Variants in PSG5 observed in about 807,000 individuals in gnomAD.
The protein encoded by PSG5 is pregnancy specific beta-1-glycoprotein 5, also known as pregnancy-specific beta-1-glycoprotein 5.
Under a neutral mutation model 37.7 loss-of-function variants are expected in PSG5, and 53 were observed. The observed-to-expected ratio is 1.41, with a 90% CI of 1.13 to 1.77. The LOEUF is 1.77. Among genes scored for constraint, PSG5 ranks in the 40% most tolerant of loss-of-function variants. The probability of loss-of-function intolerance (pLI) is 0.00; values close to 1 mark genes in which losing one functional copy is unlikely to be tolerated. For missense variants in PSG5, 547 were observed against 405.2 expected (o/e 1.35, Z -3.00); for synonymous variants, 221 against 155.4 (o/e 1.42, Z -3.14).
chr19:43,179,064 T>C, intron 2 of PSG5: 1 of 1,612,496 alleles, frequency 6.2e-7, no homozygotes, highest in Non-Finnish European at 8.5e-7. Context: ...GTAGCTTGTG[T>C]CTGAAGCCGC....
intron 4 of PSG5, chr19:43,170,877 G>A (rs368522690): frequency 6.6e-6 from 1 of 151,476 alleles, no homozygotes; most frequent in East Asian, 1.9e-4. Context: ...GTGCATCTCA[G>A]TTGGTAAAAA....
At chr19:43,184,631 CTG>C (rs1969202939) in intron 2 of PSG5, 149 bp downstream of exon 2, 1 of 1,457,092 alleles carries the variant, frequency 6.9e-7, no homozygotes, top group Non-Finnish European at 9.6e-7. Flanking sequence ...TTTGTCTCCT[CTG>C]TGTGTGTCCT....
intron 4 of PSG5, chr19:43,174,858 C>G: frequency 8.4e-7 from 1 of 1,192,342 alleles, no homozygotes; most frequent in Non-Finnish European, 1.1e-6. Flanking sequence ...GGAATAGGTA[C>G]AAGGAAACAA....
At chr19:43,178,220 A>T (rs1318705306) in intron 2 of PSG5, among the ~76,000 whole-genome samples, 2 of 151,564 alleles carry the variant, frequency 1.3e-5, no homozygotes, top group Non-Finnish European at 2.9e-5. Flanking sequence ...CCAGGGATCC[A>T]CTTACCAGGG....
intron 2 of PSG5, chr19:43,178,957 T>C: frequency 6.2e-7 from 1 of 1,612,844 alleles, no homozygotes; most frequent in South Asian, 1.1e-5. Context: ...GGTCCTGCAA[T>C]ATACTTTGTG....
At chr19:43,185,899 C>A (rs1451963830) in intron 1 of PSG5, among the ~76,000 whole-genome samples, 16 of 148,252 alleles carry the variant, frequency 1.1e-4, no homozygotes, top group Admixed American at 6.7e-4. Context: ...CCAGTTTTGA[C>A]CTCTGTCCCT....
In PSG5 at chr19:43,175,454, G is replaced by C; in HGVS notation, c.725C>G (p.Pro242Arg). 2 of 1,610,328 alleles carry C rather than the reference G, an allele frequency of 1.2e-6. No individual in the cohort carries two copies. The highest frequency in any genetic ancestry group is 1.7e-6 in the Non-Finnish European group (2 of 1,177,908). ...TLNVLYGPDL[P>R]SIYPSFTYYR... Reference sequence around the variant, plus strand: ...ATAGGTGAATGAAGGGTAAATGCTGGGGAGGTCTGGACCATCTGGAGCAAA... The same window carrying C: ...ATAGGTGAATGAAGGGTAAATGCTGCGGAGGTCTGGACCATCTGGAGCAAA... The change falls in exon 4 of 6, where the codon CCC becomes CGC. Residue 242 changes from proline (P) to arginine (R), a missense_variant. By Grantham distance (103) the Pro-to-Arg change is moderately radical. Transcript: ENST00000342951.
At chr19:43,183,478 G>A (rs1473755720) in intron 2 of PSG5, 1 of 529,004 alleles carries the variant, frequency 1.9e-6, no homozygotes. Flanking sequence ...GGGTCTGAGT[G>A]GGGAAAGAAA....
At chr19:43,170,034 T>C in intron 5 of PSG5, 21 bp downstream of exon 5, 1 of 1,420,426 alleles carries the variant, frequency 7.0e-7, no homozygotes, top group South Asian at 1.1e-5. Flanking sequence ...GGAACCAGGA[T>C]AAGAGAAAAG....
intron 2 of PSG5, chr19:43,179,045 C>T: frequency 6.2e-7 from 1 of 1,612,694 alleles, no homozygotes; most frequent in Non-Finnish European, 8.5e-7. Context: ...GACCATTCAT[C>T]CACCACAGGT....
chr19:43,172,386 G>C (rs1968925232), intron 4 of PSG5, among the ~76,000 whole-genome samples: 2 of 151,430 alleles, frequency 1.3e-5, no homozygotes, highest in Non-Finnish European at 2.9e-5. Context: ...GAAAGGTCTA[G>C]TCAGAAAAAT....
intron 1 of PSG5, 104 bp from the exon 2 acceptor site, chr19:43,185,251 G>GACACAC: frequency 7.4e-7 from 1 of 1,351,714 alleles, no homozygotes; most frequent in Non-Finnish European, 1.0e-6. Flanking sequence ...CAGCCTTGAA[G>GACACAC]ACACACACAC....
Position 43,175,911 on chromosome 19 carries a change from T to C in PSG5, c.668A>G (p.Asp223Gly), listed in dbSNP as rs1280015061. The change falls in exon 3 of 6, where the codon GAT (aspartate) becomes GGT (glycine). Residue 223 changes from aspartate (D) to glycine (G), a missense_variant. By Grantham distance (94) the Asp-to-Gly change is moderately conservative. Transcript: ENST00000342951. ...GPYECEIRDR[D>G]GGMRSDPVTL... ...GACTGGGTCACTGCGCATGCCACCA[T>C]CTCGGTCCCGTATTTCACATTCATA... 1 of 1,612,374 alleles carries C rather than the reference T, an allele frequency of 6.2e-7. No homozygotes were observed. Among genetic ancestry groups the C allele is most frequent in the African/African-American group, 1.3e-5 (1 of 74,468 alleles).
At chr19:43,181,972 G>A (rs1330217405) in intron 2 of PSG5, among the ~76,000 whole-genome samples, 1 of 151,644 alleles carries the variant, frequency 6.6e-6, no homozygotes, top group Non-Finnish European at 1.5e-5. Flanking sequence ...CTGCAGGCCT[G>A]TCCAGCCTCT....
In PSG5 at chr19:43,181,666, G is replaced by A. The variant is rs1037010139; in HGVS notation, c.430+3116C>T. Among the ~76,000 whole-genome samples, 17 of 151,810 alleles carry A rather than the reference G, an allele frequency of 1.1e-4. 1 individual carries two copies. The highest frequency in any genetic ancestry group is 3.6e-4 in the African/African-American group (15 of 41,330). Reference sequence around the variant, plus strand: ...GTAGAGACGGAGTTTCAACATGTTAGCCAGGATGGTCTCCATCTTCTGACC... The same window carrying A: ...GTAGAGACGGAGTTTCAACATGTTAACCAGGATGGTCTCCATCTTCTGACC... On this transcript the variant is annotated intron_variant, in intron 2 of 5. Coordinates refer to ENST00000342951, the MANE Select transcript of PSG5 (RefSeq NM_002781.4).
chr19:43,180,011 T>A (rs1599752180), intron 2 of PSG5, among the ~76,000 whole-genome samples: 2 of 151,776 alleles, frequency 1.3e-5, no homozygotes, highest in East Asian at 3.8e-4. Flanking sequence ...GAACTGATGA[T>A]GGAAGTCTGG....
chr19:43,183,677 AC>A (rs1388271148), intron 2 of PSG5, among the ~76,000 whole-genome samples: 3 of 150,696 alleles, frequency 2.0e-5, no homozygotes, highest in African/African-American at 4.9e-5. Context: ...ATTTGCTCTC[AC>A]TCCTCTGAGG....
Position 43,184,898 on chromosome 19 carries a change from G to A in PSG5, c.314C>T (p.Ala105Val). ...GGTGACATTCTGGATCAGCAGGGATGCATTGGAATATACTGTTTCTCGTCC... is the reference window on the plus strand; with the variant it reads ...GGTGACATTCTGGATCAGCAGGGATACATTGGAATATACTGTTTCTCGTCC... The part of the protein sequence containing the change: ...YTGRETVYSN[A>V]SLLIQNVTRE... The change falls in exon 2 of 6, where the codon GCA becomes GTA. Residue 105 changes from alanine (A) to valine (V), a missense_variant. Transcript: ENST00000342951. The A allele has an allele frequency of 1.2e-6, 2 of 1,612,628 alleles. No individual in the cohort carries two copies. Among genetic ancestry groups the A allele is most frequent in the Non-Finnish European group, 1.7e-6 (2 of 1,179,188 alleles).
chr19:43,183,059 C>T (rs1969164108), intron 2 of PSG5, among the ~76,000 whole-genome samples: 1 of 151,078 alleles, frequency 6.6e-6, no homozygotes, highest in Non-Finnish European at 1.5e-5. Flanking sequence ...CAGGACAGGG[C>T]TTGCCAGTCA....
Sources: allele counts gnomAD v4.1 joint callset (sites outside exome capture counted in the v4.1 genomes callset), GRCh38; gene constraint gnomAD v4.1.1; transcripts MANE v1.5; gene names NCBI Gene and HGNC (gene_info 2026-07-23, HGNC 2026-07-21).